The following EYA1 variants were observed in gnomAD, a reference collection of about 807,000 sequenced individuals.
EYA1 encodes protein phosphatase EYA1.
A neutral mutation model predicts 82.0 loss-of-function variants in EYA1; 16 were observed. That is an observed-to-expected ratio of 0.20 (90% CI 0.13 to 0.30). The LOEUF (loss-of-function observed/expected upper bound fraction) is 0.30. Ranked by LOEUF, EYA1 falls within the 10% of genes least tolerant of loss-of-function variation. The pLI is 1.00. For synonymous variants in EYA1, 261 were observed against 264.4 expected (o/e 0.99, Z 0.12); for missense variants, 633 against 730.7 (o/e 0.87, Z 1.54).
chr8:71,303,800 G>A (rs1025328587), intron 7 of EYA1, among the ~76,000 whole-genome samples: 16 of 142,298 alleles, frequency 1.1e-4, no homozygotes, highest in Admixed American at 9.8e-4. Flanking sequence ...AAGTAGGCTC[G>A]CCCGTACATG....
intron 2 of EYA1, among the ~76,000 whole-genome samples, chr8:71,454,459 G>A (rs935203062): frequency 1.8e-4 from 28 of 151,826 alleles, no homozygotes; most frequent in African/African-American, 6.8e-4. Flanking sequence ...AAATCAACAG[G>A]TTATACATTC....
intron 17 of EYA1, 30 bp from the exon 18 acceptor site, chr8:71,199,450 A>G: frequency 2.6e-6 from 4 of 1,555,706 alleles, no homozygotes; most frequent in Non-Finnish European, 3.5e-6. Flanking sequence ...ACATGTGAGG[A>G]CAGAGCACCC....
At chr8:71,545,615 G>A (rs1351298994) in intron 1 of EYA1, among the ~76,000 whole-genome samples, 1 of 136,950 alleles carries the variant, frequency 7.3e-6, no homozygotes, top group African/African-American at 2.8e-5. Flanking sequence ...AGGCTGGAGT[G>A]CAGTGGGGCG....
At chr8:71,500,973 A>C (rs1475524994) in intron 2 of EYA1, among the ~76,000 whole-genome samples, 1 of 152,212 alleles carries the variant, frequency 6.6e-6, no homozygotes, top group Non-Finnish European at 1.5e-5. Flanking sequence ...CTGTGCAAAA[A>C]ATAAATCTCC....
At chr8:71,256,781 C>T (rs1422225341) in intron 11 of EYA1, among the ~76,000 whole-genome samples, 2 of 152,254 alleles carry the variant, frequency 1.3e-5, no homozygotes, top group Admixed American at 6.5e-5. Context: ...GGGTGGATCA[C>T]CTGAGGTCAG....
intron 2 of EYA1, among the ~76,000 whole-genome samples, chr8:71,389,604 C>A (rs73684794): frequency 1.9e-4 from 29 of 152,210 alleles, no homozygotes; most frequent in African/African-American, 5.8e-4. Context: ...ATATCAACAT[C>A]ATGGAAAAAA....
chr8:71,457,414 T>C (rs1042658167), intron 2 of EYA1, among the ~76,000 whole-genome samples: 3 of 152,206 alleles, frequency 2.0e-5, no homozygotes, highest in Non-Finnish European at 4.4e-5. Context: ...TTACTGGGTA[T>C]ATACCCAAAG....
chr8:71,389,432 A>G (rs1463458466), intron 2 of EYA1, among the ~76,000 whole-genome samples: 1 of 152,196 alleles, frequency 6.6e-6, no homozygotes, highest in Non-Finnish European at 1.5e-5. Flanking sequence ...AATTCATTAG[A>G]AATATTCACT....
chr8:71,235,722 G>C (rs973590872), intron 12 of EYA1, among the ~76,000 whole-genome samples: 8 of 152,176 alleles, frequency 5.3e-5, no homozygotes, highest in Admixed American at 3.3e-4. Flanking sequence ...GTACTTAATG[G>C]TTATTCAATA....
At chr8:71,407,556 C>A (rs1475411173) in intron 2 of EYA1, among the ~76,000 whole-genome samples, 1 of 135,834 alleles carries the variant, frequency 7.4e-6, no homozygotes, top group Admixed American at 7.3e-5. Flanking sequence ...AACCAAGGCT[C>A]GAGAACTACG....
intron 2 of EYA1, among the ~76,000 whole-genome samples, chr8:71,451,693 A>G (rs1474278639): frequency 6.6e-6 from 1 of 152,182 alleles, no homozygotes; most frequent in East Asian, 1.9e-4. Context: ...AAATGAACAT[A>G]TCTTCATTAA....
intron 7 of EYA1, among the ~76,000 whole-genome samples, chr8:71,300,401 T>C (rs1234086118): frequency 4.6e-5 from 7 of 152,208 alleles, no homozygotes; most frequent in Non-Finnish European, 8.8e-5. Context: ...TGATTTACTA[T>C]TTTGTTATTA....
intron 2 of EYA1, among the ~76,000 whole-genome samples, chr8:71,408,657 C>A (rs1830415215): frequency 9.8e-6 from 1 of 102,404 alleles, no homozygotes; most frequent in African/African-American, 4.2e-5. Flanking sequence ...GGGATCAATT[C>A]AACAAGAGGA....
In EYA1 at chr8:71,335,114, G is replaced by A. The variant is rs1824333979; in HGVS notation, c.125-940C>T. ...AATTTGCCTACCCTGCTTTGTGGAA[G>A]GTATTCATTTCTTAGTAACAGATTT... On this transcript the variant is annotated intron_variant, in intron 3 of 17. Coordinates refer to ENST00000340726, the MANE Select transcript of EYA1 (RefSeq NM_000503.6). Among the ~76,000 whole-genome samples the A allele has an allele frequency of 2.0e-5, 3 of 152,084 alleles. No homozygotes were observed. In the South Asian group the frequency reaches 6.2e-4, roughly 32 times the overall value.
intron 12 of EYA1, among the ~76,000 whole-genome samples, chr8:71,243,602 T>C (rs1336965017): frequency 2.6e-5 from 4 of 152,204 alleles, no homozygotes; most frequent in African/African-American, 4.8e-5. Flanking sequence ...TCATTGCAGA[T>C]GAAAAGAAAT....
intron 12 of EYA1, among the ~76,000 whole-genome samples, chr8:71,220,013 T>TA (rs1399004398): frequency 2.6e-5 from 4 of 151,952 alleles, no homozygotes; most frequent in Non-Finnish European, 5.9e-5. Flanking sequence ...GATTTCAGAG[T>TA]CCATGGCTTA....
chr8:71,230,652 C>T (rs1811087315), intron 12 of EYA1, among the ~76,000 whole-genome samples: 2 of 152,198 alleles, frequency 1.3e-5, no homozygotes, highest in Non-Finnish European at 2.9e-5. Flanking sequence ...CTTCAGACCA[C>T]ACTGTTCCTG....
chr8:71,425,676 C>T (rs1805169468), intron 2 of EYA1, among the ~76,000 whole-genome samples: 1 of 152,068 alleles, frequency 6.6e-6, no homozygotes, highest in African/African-American at 2.4e-5. Flanking sequence ...AAAGTGAGTT[C>T]TCCCTTGAAT....
At chr8:71,298,969 T>C in intron 9 of EYA1, 78 bp downstream of exon 9, 1 of 1,445,558 alleles carries the variant, frequency 6.9e-7, no homozygotes, top group Middle Eastern at 1.8e-4. Flanking sequence ...AACCACTGCA[T>C]GAATATATGA....
Sources: allele counts gnomAD v4.1 joint callset (sites outside exome capture counted in the v4.1 genomes callset), GRCh38; gene constraint gnomAD v4.1.1; transcripts MANE v1.5; gene names NCBI Gene and HGNC (gene_info 2026-07-23, HGNC 2026-07-21).